Variants in SPAG16 observed in about 807,000 individuals in gnomAD.
SPAG16 encodes the protein sperm associated antigen 16.
SPAG16 carries 86 observed loss-of-function variants against 80.4 expected under a neutral mutation model. The ratio of observed to expected loss-of-function variants is 1.07; its 90% confidence interval spans 0.90 to 1.28. SPAG16 has a LOEUF of 1.28. Among genes scored for constraint, SPAG16 ranks in the 50% most tolerant of loss-of-function variants. The pLI, the probability that SPAG16 is intolerant of heterozygous loss-of-function variation, is 0.00. For missense variants in SPAG16, 870 were observed against 765.3 expected (o/e 1.14, Z -1.61); for synonymous variants, 294 against 265.9 (o/e 1.11, Z -1.03).
chr2:214,046,625 G>A (rs1476150462), intron 13 of SPAG16, among the ~76,000 whole-genome samples: 1 of 152,136 alleles, frequency 6.6e-6, no homozygotes, highest in African/African-American at 2.4e-5. Context: ...CCTCTAAGAT[G>A]AGGAACATGA....
chr2:214,292,136 T>G (rs1407341052), intron 15 of SPAG16, among the ~76,000 whole-genome samples: 4 of 152,190 alleles, frequency 2.6e-5, no homozygotes, highest in Non-Finnish European at 4.4e-5. Context: ...TGGGAGTTCC[T>G]TTATAGGTGA....
At position 214,410,231 on chromosome 2, in the gene SPAG16, C is replaced by T. The variant is rs1334999362; in HGVS notation, c.1812C>T (p.Asn604=). Residue 604 remains asparagine, a synonymous_variant, in exon 16 of 16, where the codon AAC becomes AAT. Transcript: ENST00000331683. ...GEIHKLMGHE[N]EAHTVVFSHD... Reference sequence around the variant, plus strand: ...TTCACAAATTGATGGGCCACGAAAACGAGGCACACACGGTTGTGTTTTCTC... The same window carrying T: ...TTCACAAATTGATGGGCCACGAAAATGAGGCACACACGGTTGTGTTTTCTC... 3.1e-6 allele frequency: 5 copies of T among 1,613,498 alleles called. No homozygotes were observed. Among genetic ancestry groups the T allele is most frequent in the South Asian group, 2.2e-5 (2 of 91,078 alleles).
chr2:213,871,493 C>A (rs1575417200), intron 11 of SPAG16, among the ~76,000 whole-genome samples: 1 of 151,950 alleles, frequency 6.6e-6, no homozygotes, highest in African/African-American at 2.4e-5. Context: ...TTGAAGCACA[C>A]TGACATATTT....
chr2:214,300,591 T>C (rs1350881697), intron 15 of SPAG16, among the ~76,000 whole-genome samples: 4 of 152,156 alleles, frequency 2.6e-5, no homozygotes, highest in Non-Finnish European at 2.9e-5. Context: ...AGTCTTAGAT[T>C]AGTCACAGAT....
intron 10 of SPAG16, among the ~76,000 whole-genome samples, chr2:213,790,255 A>C (rs1216736724): frequency 6.6e-6 from 1 of 151,884 alleles, no homozygotes; most frequent in African/African-American, 2.4e-5. Context: ...GATAGTTTCC[A>C]AAATTATCTT....
intron 10 of SPAG16, among the ~76,000 whole-genome samples, chr2:213,783,343 A>G (rs1309409122): frequency 4.0e-5 from 6 of 150,852 alleles, no homozygotes; most frequent in Non-Finnish European, 7.4e-5. Context: ...AATCTTAATG[A>G]CTTAGGAAGA....
chr2:213,829,067 T>C (rs2073467021), intron 10 of SPAG16, among the ~76,000 whole-genome samples: 2 of 152,170 alleles, frequency 1.3e-5, no homozygotes, highest in Non-Finnish European at 2.9e-5. Flanking sequence ...CCCTGGGCTC[T>C]AACAATCAGC....
intron 12 of SPAG16, among the ~76,000 whole-genome samples, chr2:213,932,307 C>T (rs1255011799): frequency 6.6e-6 from 1 of 151,306 alleles, no homozygotes; most frequent in Non-Finnish European, 1.5e-5. Flanking sequence ...CCTCTGCTTT[C>T]TGGGTTCAAG....
chr2:213,501,354 T>A (rs1396281583), intron 10 of SPAG16, among the ~76,000 whole-genome samples: 1 of 152,226 alleles, frequency 6.6e-6, no homozygotes, highest in East Asian at 1.9e-4. Context: ...ATTAACTGCC[T>A]GAGAAATTGT....
At chr2:213,881,384 C>A (rs1171742351) in intron 11 of SPAG16, among the ~76,000 whole-genome samples, 1 of 152,128 alleles carries the variant, frequency 6.6e-6, no homozygotes, top group Non-Finnish European at 1.5e-5. Flanking sequence ...TTCAGATTTT[C>A]CTATATGTAG....
intron 15 of SPAG16, among the ~76,000 whole-genome samples, chr2:214,187,687 C>A (rs528896958): frequency 1.3e-5 from 2 of 149,442 alleles, no homozygotes; most frequent in East Asian, 3.9e-4. Context: ...TCTGCCATAA[C>A]AAACCTCAGG....
chr2:214,074,689 A>G (rs2050978471), intron 13 of SPAG16, among the ~76,000 whole-genome samples: 2 of 152,336 alleles, frequency 1.3e-5, no homozygotes, highest in East Asian at 1.9e-4. Context: ...CCTGTAAGTC[A>G]TAATAAAAAG....
chr2:213,306,117 A>AGGCTT (rs1559391334), intron 3 of SPAG16, among the ~76,000 whole-genome samples: 5 of 151,880 alleles, frequency 3.3e-5, no homozygotes, highest in African/African-American at 1.2e-4. Context: ...TTTCCAATTT[A>AGGCTT]CTGGCACGTA....
At chr2:214,156,029 T>A (rs2056199412) in intron 15 of SPAG16, among the ~76,000 whole-genome samples, 1 of 152,210 alleles carries the variant, frequency 6.6e-6, no homozygotes, top group Admixed American at 6.5e-5. Flanking sequence ...ATACATGGCA[T>A]CTGTTAGGAG....
chr2:213,495,672 A>G (rs2074449040), intron 10 of SPAG16, among the ~76,000 whole-genome samples: 1 of 152,214 alleles, frequency 6.6e-6, no homozygotes, highest in South Asian at 2.1e-4. Flanking sequence ...GACAGAGGGA[A>G]ACTGAGTGTA....
intron 9 of SPAG16, among the ~76,000 whole-genome samples, chr2:213,406,592 A>G (rs1475096684): frequency 6.6e-6 from 1 of 152,256 alleles, no homozygotes; most frequent in Non-Finnish European, 1.5e-5. Flanking sequence ...CTATTAGGAT[A>G]AAGGATGTTA....
chr2:213,876,584 G>T (rs530452012), intron 11 of SPAG16, among the ~76,000 whole-genome samples: 1 of 152,132 alleles, frequency 6.6e-6, no homozygotes. Flanking sequence ...AATGTCAAAA[G>T]CATTATAAGT....
chr2:213,285,475 G>T (rs554695483), intron 1 of SPAG16, among the ~76,000 whole-genome samples: 31 of 152,290 alleles, frequency 2.0e-4, no homozygotes, highest in African/African-American at 7.5e-4. Context: ...ATGATTATCT[G>T]TTCAGTTCTT....
At chr2:213,889,588 G>T (rs1305672439) in intron 11 of SPAG16, among the ~76,000 whole-genome samples, 1 of 150,628 alleles carries the variant, frequency 6.6e-6, no homozygotes, top group African/African-American at 2.4e-5. Context: ...GAAATAAACA[G>T]CCTTGTTGCT....
Sources: allele counts gnomAD v4.1 joint callset (sites outside exome capture counted in the v4.1 genomes callset), GRCh38; gene constraint gnomAD v4.1.1; transcripts MANE v1.5; gene names NCBI Gene and HGNC (gene_info 2026-07-23, HGNC 2026-07-21).